ATAD3A: variants seen among roughly 807,000 people sequenced by gnomAD.
ATAD3A encodes the protein ATPase family AAA domain containing 3A, also known as ATPase family AAA domain-containing protein 3A.
In ATAD3A, 46 loss-of-function variants were observed where a neutral mutation model predicts 73.8. The ratio of observed to expected loss-of-function variants is 0.62; its 90% confidence interval spans 0.49 to 0.80. The LOEUF (loss-of-function observed/expected upper bound fraction) is 0.80. ATAD3A is among the 30% of genes least tolerant of loss of function. The probability of loss-of-function intolerance (pLI) is 0.00; values close to 1 mark genes in which losing one functional copy is unlikely to be tolerated. For missense variants in ATAD3A, 705 were observed against 838.0 expected, an observed-to-expected ratio of 0.84 and a Z score of 1.96; for synonymous variants, 319 against 350.0, an observed-to-expected ratio of 0.91 and a Z score of 0.99.
At chr1:1,515,139 G>T (rs552697346) in intron 1 of ATAD3A, among the ~76,000 whole-genome samples, 12 of 152,254 alleles carry the variant, frequency 7.9e-5, no homozygotes, top group African/African-American at 2.9e-4. Context: ...GTGCAGCGGT[G>T]CGATCTGGGT....
At chr1:1,533,883 G>C in intron 15 of ATAD3A, 43 bp from the exon 16 acceptor site, 1 of 1,596,228 alleles carries the variant, frequency 6.3e-7, no homozygotes, top group Non-Finnish European at 8.5e-7. Context: ...TGGGGTGGGG[G>C]GTTCCCATGG....
chr1:1,527,700 T>C lies in ATAD3A; in HGVS notation c.1343T>C (p.Met448Thr). The C allele has an allele frequency of 6.2e-7, 1 of 1,611,796 alleles. No individual in the cohort carries two copies. The highest frequency in any genetic ancestry group is 8.5e-7 in the Non-Finnish European group (1 of 1,178,772). Reference sequence around the variant, plus strand: ...TCCTCATCCCCGCCCCGCAGGTTCATGCTGGTCCTGGCCAGCAACCAACCA... The same window carrying C: ...TCCTCATCCCCGCCCCGCAGGTTCACGCTGGTCCTGGCCAGCAACCAACCA... Reference protein sequence around the residue: ...YRTGQHSNKFMLVLASNQPEQ... With the variant: ...YRTGQHSNKFTLVLASNQPEQ... The change falls in exon 14 of 16, where the codon ATG becomes ACG. Residue 448 changes from methionine (M) to threonine (T), a missense_variant. This residue lies in a region of ATAD3A where 252 missense variants were observed against 278.5 expected (regional missense o/e 0.90). Transcript: ENST00000378756.
chr1:1,526,351 G>T (rs142858452), intron 12 of ATAD3A, 110 bp from the exon 13 acceptor site: 1 of 1,564,770 alleles, frequency 6.4e-7, no homozygotes, highest in East Asian at 2.3e-5. Context: ...ATCCATGAAA[G>T]TGTCGCCATG....
chr1:1,532,024 G>A (rs1642050284), intron 15 of ATAD3A, among the ~76,000 whole-genome samples: 1 of 152,150 alleles, frequency 6.6e-6, no homozygotes, highest in Admixed American at 6.5e-5. Context: ...AGAGGGTCAT[G>A]TAGTTTCCTT....
At chr1:1,519,083 C>T (rs1641495192) in intron 5 of ATAD3A, 93 bp downstream of exon 5, 2 of 1,606,352 alleles carry the variant, frequency 1.2e-6, no homozygotes, top group Non-Finnish European at 1.7e-6. Context: ...CCGCCCGGCC[C>T]CTCATAGCTA....
chr1:1,527,734 C>A lies in ATAD3A; in HGVS notation c.1377C>A (p.Phe459Leu). 1 of 1,613,792 alleles carries A rather than the reference C, an allele frequency of 6.2e-7. No individual in the cohort carries two copies. Among genetic ancestry groups the A allele is most frequent in the Non-Finnish European group, 8.5e-7 (1 of 1,179,874 alleles). ...LVLASNQPEQ[F>L]DWAINDRINE... ...TGGCCAGCAACCAACCAGAGCAGTT[C>A]GACTGGGCCATCAATGACCGCATCA... The change falls in exon 14 of 16, where the codon TTC becomes TTA. Residue 459 changes from phenylalanine to leucine, a missense_variant. Transcript: ENST00000378756.
Position 1,525,249 on chromosome 1 carries a change from C to G in ATAD3A, c.1224C>G (p.Leu408=). The G allele has an allele frequency of 6.2e-7, 1 of 1,613,936 alleles. No individual in the cohort carries two copies. The highest frequency in any genetic ancestry group is 8.5e-7 in the Non-Finnish European group (1 of 1,179,976). ...TCCCTCTCGTTCACAGCCTCCTGCTCTTTGTGGATGAAGCGGACGCCTTCC... is the reference window on the plus strand; with the variant it reads ...TCCCTCTCGTTCACAGCCTCCTGCTGTTTGTGGATGAAGCGGACGCCTTCC... ...WANTSRRGLL[L]FVDEADAFLR... is the part of the protein sequence containing the mutation. Residue 408 remains leucine, a synonymous_variant, in exon 12 of 16, where the codon CTC becomes CTG. Coordinates refer to ENST00000378756, the MANE Select transcript of ATAD3A (RefSeq NM_001170535.3).
chr1:1,526,464 A>G lies in ATAD3A; in HGVS notation c.1270A>G (p.Lys424Glu). The G allele has an allele frequency of 4.3e-6, 7 of 1,611,380 alleles. No homozygotes were observed. Among genetic ancestry groups the G allele is most frequent in the Non-Finnish European group, 5.1e-6 (6 of 1,178,764 alleles). The change falls in exon 13 of 16, where the codon AAG becomes GAG. Residue 424 changes from lysine to glutamate, a missense_variant. Lys to Glu is a moderately conservative substitution (Grantham distance 56). Coordinates refer to ENST00000378756, the MANE Select transcript of ATAD3A (RefSeq NM_001170535.3). ...DAFLRKRATE[K>E]ISEDLRATLN... The stretch of plus-strand genomic sequence containing the variant: ...GGCTGGAACCTTCTCTCTGCAGGAG[A>G]AGATAAGCGAGGACCTCAGGGCCAC...
Position 1,523,599 on chromosome 1 carries a change from C to A in ATAD3A, c.963+32C>A. On this transcript the variant is annotated intron_variant, in intron 9 of 15. Coordinates refer to ENST00000378756, the MANE Select transcript of ATAD3A (RefSeq NM_001170535.3). This position sits in a 1 kb window ranked among gnomAD's most constrained non-coding sequence, Gnocchi z 5.1. ...CGGTGTGCCTGGGACCGGGGAGGCG[C>A]AGGGAGGGGACCCTGGAGCTGGGCC... 6.2e-7 allele frequency: 1 copy of A among 1,612,222 alleles called. No individual in the cohort carries two copies. The highest frequency in any genetic ancestry group is 1.1e-5 in the South Asian group (1 of 90,922).
chr1:1,518,682 CACACACA>C (rs201099145), intron 4 of ATAD3A, among the ~76,000 whole-genome samples: 1,649 of 120,718 alleles, frequency 0.014, 48 homozygotes, highest in African/African-American at 0.05. Context: ...CACACACACA[CACACACA>C]CCCAAACGGG....
chr1:1,530,606 G>T (rs1245665045), intron 15 of ATAD3A, among the ~76,000 whole-genome samples: 48 of 116,036 alleles, frequency 4.1e-4, no homozygotes, highest in Middle Eastern at 3.9e-3. Context: ...GAGGCGGGCG[G>T]ATCACGAGGT....
intron 2 of ATAD3A, 25 bp downstream of exon 2, chr1:1,516,113 G>A (rs753628565): frequency 1.2e-6 from 2 of 1,612,568 alleles, no homozygotes; most frequent in Non-Finnish European, 1.7e-6. Context: ...TGTGGGTGGG[G>A]AGGCCGGGGC....
chr1:1,528,966 G>A (rs1267798917), intron 14 of ATAD3A, among the ~76,000 whole-genome samples: 6 of 152,240 alleles, frequency 3.9e-5, no homozygotes, highest in Non-Finnish European at 8.8e-5. Flanking sequence ...CCTGCCCTGC[G>A]GGTGCTGAGT....
In ATAD3A at chr1:1,512,233, G is replaced by A. The variant is rs1469501800; in HGVS notation, c.-36G>A. ...CGCGCGCGAGTCAGACTCGGGTGGG[G>A]GTCCCGGCGGCGGTAGCGGCGGCGG... is the stretch of plus-strand genomic sequence containing the variant. On this transcript the variant is annotated 5_prime_UTR_variant, in exon 1 of 16. Coordinates refer to ENST00000378756, the MANE Select transcript of ATAD3A (RefSeq NM_001170535.3). 1.0e-5 allele frequency: 13 copies of A among 1,272,256 alleles called. No individual in the cohort carries two copies. The highest frequency in any genetic ancestry group is 1.2e-5 in the Non-Finnish European group (12 of 1,005,088). The allele number at this position is 1,272,256 out of a possible 1,614,324, so 78.8% of individuals were successfully genotyped here.
intron 10 of ATAD3A, 71 bp from the exon 11 acceptor site, chr1:1,524,202 G>C: frequency 1.3e-6 from 2 of 1,567,768 alleles, no homozygotes; most frequent in South Asian, 1.1e-5. Flanking sequence ...TCCACACTCC[G>C]GGTGGAGTGT....
intron 5 of ATAD3A, among the ~76,000 whole-genome samples, chr1:1,519,303 T>C (rs1317933551): frequency 2.2e-5 from 3 of 135,680 alleles, no homozygotes; most frequent in East Asian, 2.1e-4. Context: ...CTCAGCTCAC[T>C]GCAACCTCTG....
intron 14 of ATAD3A, among the ~76,000 whole-genome samples, chr1:1,528,262 G>A (rs1049262435): frequency 6.6e-5 from 10 of 152,104 alleles, no homozygotes; most frequent in African/African-American, 1.9e-4. Context: ...CGCGCCCGGC[G>A]TCTTTTCCAT....
rs1296150512 is a variant in ATAD3A at position 1,520,045 on chromosome 1, C to T, written c.515-96C>T. 5.1e-5 allele frequency: 77 copies of T among 1,506,534 alleles called. 1 individual carries two copies. In the South Asian group the frequency reaches 7.5e-4, roughly 15 times the overall value. The allele number at this position is 1,506,534 out of a possible 1,614,324, so 93.3% of individuals were successfully genotyped here. ...GTCTGTGGCGTTGGTCTGTCCGTGG[C>T]GTGGGCCGGTCCGTGGCGTGGGCCG... On this transcript the variant is annotated intron_variant, in intron 5 of 15. Transcript: ENST00000378756. This position sits in a 1 kb window ranked among gnomAD's most constrained non-coding sequence, Gnocchi z 4.0.
rs1370921301 is a variant in ATAD3A at position 1,516,470 on chromosome 1, G to A, written c.282+382G>A. 3.3e-5 allele frequency among the ~76,000 whole-genome samples: 5 copies of A among 152,218 alleles called. No homozygotes were observed. The East Asian group carries it at 9.7e-4, about 29-fold the overall frequency. ...TCTCTGTTTCCCAGGCTGGAGTTCT[G>A]TGGTGCCATCTGGGCTCACTGCAAC... On this transcript the variant is annotated intron_variant, in intron 2 of 15. Transcript: ENST00000378756.
Sources: gnomAD v4.1 joint callset for allele counts (sites outside exome capture counted in the v4.1 genomes callset) on GRCh38, gnomAD v4.1.1 for gene constraint, gnomAD v4.1.1 regional missense constraint, Gnocchi (gnomAD v3.1) non-coding constraint, MANE v1.5 for transcripts, NCBI Gene and HGNC (gene_info 2026-07-23, HGNC 2026-07-21) for gene names.